The following ELAVL3 variants were observed in gnomAD, a reference collection of about 807,000 sequenced individuals.
ELAVL3 encodes the protein ELAV-like protein 3.
In ELAVL3, 8 loss-of-function variants were observed where a neutral mutation model predicts 34.2. That is an observed-to-expected ratio of 0.23 (90% CI 0.14 to 0.42). ELAVL3 has a LOEUF of 0.42. ELAVL3 is among the 10% of genes least tolerant of loss of function. The probability of loss-of-function intolerance (pLI) is 1.00; values close to 1 mark genes in which losing one functional copy is unlikely to be tolerated. For synonymous variants in ELAVL3, 209 were observed against 222.1 expected (o/e 0.94, Z 0.53); for missense variants, 273 against 518.8 (o/e 0.53, Z 4.60).
At chr19:11,472,466 C>T (rs989693123) in intron 1 of ELAVL3, among the ~76,000 whole-genome samples, 4 of 152,092 alleles carry the variant, frequency 2.6e-5, no homozygotes, top group East Asian at 1.9e-4. Context: ...TTTGGGAGGC[C>T]GAGGTGGGAG....
intron 3 of ELAVL3, among the ~76,000 whole-genome samples, chr19:11,459,932 TCTC>T (rs978250023): frequency 1.3e-5 from 2 of 151,924 alleles, no homozygotes; most frequent in Admixed American, 1.3e-4. Context: ...ACTGGCCCCT[TCTC>T]TTCCCAGCTA....
rs962072882 is a variant in ELAVL3 at position 11,458,630 on chromosome 19, T to C, written c.334-19A>G. ...AGGACACCTGGGTGAGGGGGTCAGATGGACAGGGGTGAGGCAGAGACCCAT... is the reference window on the plus strand; with the variant it reads ...AGGACACCTGGGTGAGGGGGTCAGACGGACAGGGGTGAGGCAGAGACCCAT... On this transcript the variant is annotated intron_variant, in intron 3 of 6. Coordinates refer to ENST00000359227, the MANE Select transcript of ELAVL3 (RefSeq NM_001420.4). The surrounding 1 kb of genome is among the most constrained non-coding windows in gnomAD (Gnocchi z 7.3). 2.5e-6 allele frequency: 4 copies of C among 1,612,496 alleles called. No homozygotes were observed. Among genetic ancestry groups the C allele is most frequent in the Admixed American group, 1.7e-5 (1 of 60,004 alleles).
At chr19:11,455,680 A>G (rs311794) in intron 6 of ELAVL3, among the ~76,000 whole-genome samples, 23,018 of 151,930 alleles carry the variant, frequency 0.15, 1,960 homozygotes, top group African/African-American at 0.22. Flanking sequence ...CAATCCTACC[A>G]CCTTGGAGTT....
chr19:11,465,236 GCACACCACACACATA>G (rs1971019294), intron 3 of ELAVL3, among the ~76,000 whole-genome samples: 2 of 55,268 alleles, frequency 3.6e-5, no homozygotes, highest in South Asian at 1.3e-3. Flanking sequence ...CATACACACC[GCACACCACACACATA>G]CACACCGCAC....
At position 11,480,494 on chromosome 19, in the gene ELAVL3, G is replaced by T; in HGVS notation, c.9+106C>A. ...GTCCTACCCCCCCAACCCGGGCCTAGCTAGGCCTGGTCCTACCCCCCCCGC... is the reference window on the plus strand; with the variant it reads ...GTCCTACCCCCCCAACCCGGGCCTATCTAGGCCTGGTCCTACCCCCCCCGC... On this transcript the variant is annotated intron_variant, in intron 1 of 6. Coordinates refer to ENST00000359227, the MANE Select transcript of ELAVL3 (RefSeq NM_001420.4). This position sits in a 1 kb window ranked among gnomAD's most constrained non-coding sequence, Gnocchi z 6.8. 2 of 1,263,238 alleles carry T rather than the reference G, an allele frequency of 1.6e-6. No individual in the cohort carries two copies. Among genetic ancestry groups the T allele is most frequent in the Non-Finnish European group, 1.0e-6 (1 of 966,158 alleles). The allele number at this position is 1,263,238 out of a possible 1,614,324, so 78.3% of individuals were successfully genotyped here.
intron 1 of ELAVL3, among the ~76,000 whole-genome samples, chr19:11,471,798 A>G (rs1971169651): frequency 6.6e-6 from 1 of 152,106 alleles, no homozygotes; most frequent in Non-Finnish European, 1.5e-5. Context: ...ACTGGCTCTG[A>G]CAACTCACTA....
chr19:11,457,033 T>C (rs1599528563), intron 6 of ELAVL3, 77 bp downstream of exon 6: 7 of 1,089,672 alleles, frequency 6.4e-6, no homozygotes, highest in Non-Finnish European at 5.7e-6. Context: ...CCTGCAGCCC[T>C]GGGGGTGAGC....
rs1482722293 is a variant in ELAVL3 at position 11,466,371 on chromosome 19, T to C, written c.230-96A>G. The C allele has an allele frequency of 2.4e-6, 3 of 1,242,054 alleles. No individual in the cohort carries two copies. Among genetic ancestry groups the C allele is most frequent in the Non-Finnish European group, 3.5e-6 (3 of 854,614 alleles). 76.9% of individuals were successfully genotyped at this position (1,242,054 alleles called of 1,614,324 possible). On this transcript the variant is annotated intron_variant, in intron 2 of 6. Coordinates refer to ENST00000359227, the MANE Select transcript of ELAVL3 (RefSeq NM_001420.4). This position sits in a 1 kb window ranked among gnomAD's most constrained non-coding sequence, Gnocchi z 5.0. ...GAGAGACTGTCCCCTCCCCACCAAG[T>C]TTCCACCTTCCTGTTTCCAGATGAC... is the stretch of plus-strand genomic sequence containing the variant.
At chr19:11,471,002 T>C (rs1325882252) in intron 1 of ELAVL3, among the ~76,000 whole-genome samples, 2 of 152,132 alleles carry the variant, frequency 1.3e-5, no homozygotes, top group African/African-American at 2.4e-5. Flanking sequence ...GGCGCCACCA[T>C]GCCTGGCTAA....
chr19:11,461,558 C>T (rs78190849), intron 3 of ELAVL3, among the ~76,000 whole-genome samples: 5,032 of 145,756 alleles, frequency 0.035, 200 homozygotes, highest in African/African-American at 0.098. Flanking sequence ...TCCTTCCCTT[C>T]CTTCCTTTCC....
intron 1 of ELAVL3, among the ~76,000 whole-genome samples, chr19:11,468,888 T>C (rs1971108669): frequency 6.6e-6 from 1 of 152,180 alleles, no homozygotes; most frequent in African/African-American, 2.4e-5. Flanking sequence ...TTATTGACTT[T>C]TTTTTTACAT....
chr19:11,477,694 T>A (rs1224570078), intron 1 of ELAVL3, among the ~76,000 whole-genome samples: 2 of 148,818 alleles, frequency 1.3e-5, no homozygotes, highest in Non-Finnish European at 3.0e-5. Context: ...GATCCCTATT[T>A]TTTTTTTTTT....
chr19:11,459,127 CTT>C (rs774008466), intron 3 of ELAVL3, among the ~76,000 whole-genome samples: 7 of 123,680 alleles, frequency 5.7e-5, no homozygotes, highest in Non-Finnish European at 5.3e-5. Context: ...TTTTTTTTTT[CTT>C]TTTTTTTTTT....
At chr19:11,459,121 T>C (rs1475596998) in intron 3 of ELAVL3, among the ~76,000 whole-genome samples, 1 of 149,864 alleles carries the variant, frequency 6.7e-6, no homozygotes, top group African/African-American at 2.5e-5. Flanking sequence ...CCAGCATTTT[T>C]TTTTTCTTTT....
chr19:11,472,540 G>T (rs540669462), intron 1 of ELAVL3, among the ~76,000 whole-genome samples: 1 of 151,794 alleles, frequency 6.6e-6, no homozygotes, highest in Non-Finnish European at 1.5e-5. Context: ...GTCTCTACAA[G>T]AAATTTAAAA....
intron 1 of ELAVL3, among the ~76,000 whole-genome samples, chr19:11,476,719 C>T (rs765606761): frequency 1.3e-5 from 2 of 151,848 alleles, no homozygotes; most frequent in Non-Finnish European, 2.9e-5. Context: ...GCCAACACAG[C>T]GAACTCTCAT....
intron 3 of ELAVL3, among the ~76,000 whole-genome samples, chr19:11,465,785 C>A (rs1372134087): frequency 6.6e-6 from 1 of 151,696 alleles, no homozygotes; most frequent in Admixed American, 6.6e-5. Flanking sequence ...GGGGATGGGC[C>A]GCCCCAATCC....
rs1213143069 is a variant in ELAVL3, at chr19:11,480,776, C to T, written c.-168G>A. On this transcript the variant is annotated 5_prime_UTR_variant, in exon 1 of 7. Transcript: ENST00000359227. This position sits in a 1 kb window ranked among gnomAD's most constrained non-coding sequence, Gnocchi z 6.8. ...GGCTCCCTCGAGGGCCAGGGACGGG[C>T]CCGAACCCGGGGATGCGCGCGCGGA... The T allele has an allele frequency of 1.1e-5, 6 of 564,938 alleles. No homozygotes were observed. The East Asian group carries it at 2.1e-4, about 20-fold the overall frequency. 35.0% of individuals were successfully genotyped at this position (564,938 alleles called of 1,614,324 possible). A position where few individuals can be genotyped will look rare whatever the true frequency, so the allele number is the denominator to read the frequency against.
intron 1 of ELAVL3, among the ~76,000 whole-genome samples, chr19:11,476,176 G>T (rs1421738265): frequency 1.3e-5 from 2 of 152,156 alleles, no homozygotes; most frequent in African/African-American, 2.4e-5. Context: ...CCTGTTGTGT[G>T]CCAGGAAAAA....
Sources: allele counts gnomAD v4.1 joint callset (sites outside exome capture counted in the v4.1 genomes callset), GRCh38; gene constraint gnomAD v4.1.1; non-coding constraint Gnocchi (gnomAD v3.1); transcripts MANE v1.5; gene names NCBI Gene and HGNC (gene_info 2026-07-23, HGNC 2026-07-21).